The following SLC20A2 variants were observed in gnomAD, a reference collection of about 807,000 sequenced individuals.
SLC20A2 encodes the protein sodium-dependent phosphate transporter 2.
SLC20A2 carries 30 observed loss-of-function variants against 61.0 expected under a neutral mutation model. The observed-to-expected ratio is 0.49, with a 90% CI of 0.37 to 0.67. The LOEUF (loss-of-function observed/expected upper bound fraction) is 0.67. Ranked by LOEUF, SLC20A2 falls within the 30% of genes least tolerant of loss-of-function variation. The probability of loss-of-function intolerance (pLI) is 0.00; values close to 1 mark genes in which losing one functional copy is unlikely to be tolerated. For missense variants in SLC20A2, 626 were observed against 866.4 expected, an observed-to-expected ratio of 0.72 and a Z score of 3.48; for synonymous variants, 351 against 353.3, an observed-to-expected ratio of 0.99 and a Z score of 0.07.
chr8:42,443,275 A>T (rs1329961293), intron 6 of SLC20A2, among the ~76,000 whole-genome samples: 6 of 102,450 alleles, frequency 5.9e-5, no homozygotes, highest in Admixed American at 1.7e-4. Flanking sequence ...ATATATATAT[A>T]TATATATATA....
At chr8:42,457,574 G>A (rs1385162422) in intron 5 of SLC20A2, among the ~76,000 whole-genome samples, 1 of 151,756 alleles carries the variant, frequency 6.6e-6, no homozygotes, top group African/African-American at 2.4e-5. Context: ...TCCACCTCCT[G>A]GGTTCAGGTT....
At chr8:42,418,759 G>A (rs1466060042) in intron 10 of SLC20A2, among the ~76,000 whole-genome samples, 1 of 151,830 alleles carries the variant, frequency 6.6e-6, no homozygotes, top group African/African-American at 2.4e-5. Context: ...AGCACTTTGG[G>A]AGGCTGAGGT....
At chr8:42,522,635 C>CGTGCCACTGCACGA (rs1811653957) in intron 1 of SLC20A2, among the ~76,000 whole-genome samples, 1 of 119,548 alleles carries the variant, frequency 8.4e-6, no homozygotes, top group East Asian at 2.7e-4. Flanking sequence ...GAGCTGAGAT[C>CGTGCCACTGCACGA]GTGCCACTGC....
At chr8:42,467,424 T>C (rs1234409408) in intron 2 of SLC20A2, among the ~76,000 whole-genome samples, 2 of 152,216 alleles carry the variant, frequency 1.3e-5, no homozygotes, top group East Asian at 3.8e-4. Context: ...GAAGCAGTTG[T>C]TGAAAAGCTC....
chr8:42,468,827 C>G (rs893938212), intron 2 of SLC20A2, among the ~76,000 whole-genome samples: 3 of 151,976 alleles, frequency 2.0e-5, no homozygotes, highest in African/African-American at 7.3e-5. Flanking sequence ...GGAGCTGGCT[C>G]GTTTGTGCTA....
chr8:42,456,220 C>T (rs1227649928), intron 5 of SLC20A2, among the ~76,000 whole-genome samples: 1 of 152,000 alleles, frequency 6.6e-6, no homozygotes, highest in East Asian at 1.9e-4. Flanking sequence ...GGAAGAAGAA[C>T]CAGGAAGCAA....
At chr8:42,471,986 C>T (rs1317528192) in intron 2 of SLC20A2, 116 bp downstream of exon 2, 1 of 866,538 alleles carries the variant, frequency 1.2e-6, no homozygotes, top group Non-Finnish European at 1.8e-6. Flanking sequence ...TGTGAAACAT[C>T]CAACCAGTTT....
intron 1 of SLC20A2, among the ~76,000 whole-genome samples, chr8:42,517,381 A>AAC (rs1491047608): frequency 6.6e-6 from 1 of 151,216 alleles, no homozygotes; most frequent in Non-Finnish European, 1.5e-5. Flanking sequence ...AAAAAAAAAA[A>AAC]CAATAATAAA....
chr8:42,462,233 C>T (rs1311764623), intron 4 of SLC20A2, among the ~76,000 whole-genome samples: 1 of 151,988 alleles, frequency 6.6e-6, no homozygotes, highest in African/African-American at 2.4e-5. Context: ...TATGAGTGTT[C>T]CTGGTCCCAG....
rs1804789350 is a variant in SLC20A2, at chr8:42,441,606, T to A, written c.731-1953A>T. Among the ~76,000 whole-genome samples the A allele has an allele frequency of 2.0e-5, 3 of 149,288 alleles. No homozygotes were observed. In the South Asian group the frequency reaches 6.3e-4, roughly 32 times the overall value. Reference sequence around the variant, plus strand: ...GCCTCAGCCTCCTGAGTAGCTGGGATTACAAGCATGTGCCACCACGCCCAG... The same window carrying A: ...GCCTCAGCCTCCTGAGTAGCTGGGAATACAAGCATGTGCCACCACGCCCAG... On this transcript the variant is annotated intron_variant, in intron 6 of 10. Coordinates refer to ENST00000520262, the MANE Select transcript of SLC20A2 (RefSeq NM_001257180.2).
chr8:42,467,940 G>A (rs921163553), intron 2 of SLC20A2, among the ~76,000 whole-genome samples: 6 of 150,716 alleles, frequency 4.0e-5, no homozygotes, highest in South Asian at 4.2e-4. Context: ...TTTTTTAGAC[G>A]GGGTCTTGCT....
chr8:42,512,052 G>C (rs1188220846), intron 1 of SLC20A2, among the ~76,000 whole-genome samples: 2 of 152,128 alleles, frequency 1.3e-5, no homozygotes, highest in Non-Finnish European at 1.5e-5. Context: ...ACAGTACTGG[G>C]ATAGTCATGG....
intron 4 of SLC20A2, among the ~76,000 whole-genome samples, chr8:42,461,332 G>C (rs1196550070): frequency 6.6e-6 from 1 of 152,080 alleles, no homozygotes; most frequent in Non-Finnish European, 1.5e-5. Context: ...GACCTATGCC[G>C]TTTCCATGGC....
At chr8:42,534,443 AAC>A (rs1042831684) in intron 1 of SLC20A2, among the ~76,000 whole-genome samples, 6 of 152,364 alleles carry the variant, frequency 3.9e-5, no homozygotes, top group Middle Eastern at 3.4e-3. Flanking sequence ...CTGAAAATAG[AAC>A]ATAGAGATTA....
intron 1 of SLC20A2, among the ~76,000 whole-genome samples, chr8:42,479,873 C>T (rs1285208553): frequency 6.6e-6 from 1 of 152,026 alleles, no homozygotes; most frequent in Admixed American, 6.6e-5. Context: ...CAGGCCAGGT[C>T]AGATGCACGA....
At chr8:42,493,690 T>G (rs1200833221) in intron 1 of SLC20A2, among the ~76,000 whole-genome samples, 1 of 152,168 alleles carries the variant, frequency 6.6e-6, no homozygotes, top group East Asian at 1.9e-4. Context: ...TAAGATCCAG[T>G]GTGGTAGTGA....
chr8:42,513,980 T>C (rs975146969), intron 1 of SLC20A2, among the ~76,000 whole-genome samples: 5 of 152,104 alleles, frequency 3.3e-5, no homozygotes, highest in Non-Finnish European at 7.4e-5. Flanking sequence ...GGGATATGAA[T>C]GGGAGAAGAG....
Position 42,437,415 on chromosome 8 carries a change from C to T in SLC20A2, c.1097G>A (p.Gly366Asp), listed in dbSNP as rs1163459014. The T allele has an allele frequency of 6.2e-7, 1 of 1,614,030 alleles. No individual in the cohort carries two copies. The highest frequency in any genetic ancestry group is 8.5e-7 in the Non-Finnish European group (1 of 1,180,040). ...TTCCTGGGCTGGCTTCTCCTCGGGG[C>T]CCCTGTCGATGTGGATTTTGTGCAG... is the stretch of plus-strand genomic sequence containing the variant. ...DLLHKIHIDR[G>D]PEEKPAQESN... Residue 366 changes from glycine (G) to aspartate (D), a missense_variant, in exon 8 of 11, where the codon GGC becomes GAC. Gly to Asp is a moderately conservative substitution (Grantham distance 94). Coordinates refer to ENST00000520262, the MANE Select transcript of SLC20A2 (RefSeq NM_001257180.2). The surrounding 1 kb of genome is among the most constrained non-coding windows in gnomAD (Gnocchi z 6.4).
intron 1 of SLC20A2, among the ~76,000 whole-genome samples, chr8:42,476,346 G>A (rs1029808681): frequency 1.8e-4 from 28 of 151,708 alleles, no homozygotes; most frequent in African/African-American, 5.3e-4. Context: ...CTCGTGATCC[G>A]CCCGCCTCAG....
Sources: allele counts gnomAD v4.1 joint callset (sites outside exome capture counted in the v4.1 genomes callset), GRCh38; gene constraint gnomAD v4.1.1; non-coding constraint Gnocchi (gnomAD v3.1); transcripts MANE v1.5; gene names NCBI Gene and HGNC (gene_info 2026-07-23, HGNC 2026-07-21).